Variants in DLG2 observed in about 807,000 individuals in gnomAD.
The protein encoded by DLG2 is discs large MAGUK scaffold protein 2.
DLG2 carries 45 observed loss-of-function variants against 132.5 expected under a neutral mutation model. The observed-to-expected ratio is 0.34, with a 90% CI of 0.27 to 0.44. The LOEUF is 0.44. Among genes scored for constraint, DLG2 ranks in the 20% least tolerant of loss-of-function variants. The pLI, the probability that DLG2 is intolerant of heterozygous loss-of-function variation, is 1.00. For synonymous variants in DLG2, 424 were observed against 419.6 expected, an observed-to-expected ratio of 1.01 and a Z score of -0.13; for missense variants, 1,045 against 1,196.9, an observed-to-expected ratio of 0.87 and a Z score of 1.87.
intron 3 of DLG2, among the ~76,000 whole-genome samples, chr11:85,474,925 C>T (rs1297882350): frequency 6.6e-6 from 1 of 150,950 alleles, no homozygotes; most frequent in African/African-American, 2.4e-5. Context: ...TCAAAATGAA[C>T]AAGCAAAGTT....
chr11:84,166,635 A>T (rs2095672807), intron 8 of DLG2, among the ~76,000 whole-genome samples: 1 of 152,138 alleles, frequency 6.6e-6, no homozygotes, highest in Non-Finnish European at 1.5e-5. Flanking sequence ...TTAAATACTT[A>T]TTTCGACTTT....
At chr11:85,331,974 T>C (rs990965916) in intron 3 of DLG2, among the ~76,000 whole-genome samples, 4 of 152,156 alleles carry the variant, frequency 2.6e-5, no homozygotes, top group Non-Finnish European at 5.9e-5. Context: ...TCCTTTGGGG[T>C]ATATACCCAG....
chr11:83,626,207 A>T (rs1383699585), intron 19 of DLG2, among the ~76,000 whole-genome samples: 1 of 152,228 alleles, frequency 6.6e-6, no homozygotes, highest in Non-Finnish European at 1.5e-5. Flanking sequence ...TCTTCTGGGC[A>T]AATTTCACTT....
intron 6 of DLG2, among the ~76,000 whole-genome samples, chr11:84,621,445 G>A (rs1195885535): frequency 1.3e-5 from 2 of 152,118 alleles, no homozygotes; most frequent in Non-Finnish European, 2.9e-5. Context: ...TTTCCTCAAT[G>A]AGTGGGATCA....
At chr11:85,142,394 T>G (rs2076552808) in intron 5 of DLG2, among the ~76,000 whole-genome samples, 1 of 151,830 alleles carries the variant, frequency 6.6e-6, no homozygotes, top group Admixed American at 6.6e-5. Context: ...CTAATACTTT[T>G]TGTATGTTGA....
intron 7 of DLG2, among the ~76,000 whole-genome samples, chr11:84,352,709 T>G (rs1406209637): frequency 6.6e-6 from 1 of 152,214 alleles, no homozygotes; most frequent in Non-Finnish European, 1.5e-5. Context: ...AAAATAACTT[T>G]GTGGTAATAT....
chr11:85,366,633 A>G (rs1334362343), intron 3 of DLG2, among the ~76,000 whole-genome samples: 1 of 152,198 alleles, frequency 6.6e-6, no homozygotes, highest in Non-Finnish European at 1.5e-5. Flanking sequence ...TAACATTCTT[A>G]TAAAGAAATT....
intron 7 of DLG2, among the ~76,000 whole-genome samples, chr11:84,346,013 TTTCTC>T (rs1289828792): frequency 4.6e-5 from 7 of 152,178 alleles, no homozygotes; most frequent in African/African-American, 1.4e-4. Flanking sequence ...CTGAAGGTGT[TTTCTC>T]TTCTATTTAT....
intron 15 of DLG2, among the ~76,000 whole-genome samples, chr11:83,904,904 G>A (rs916556618): frequency 3.3e-5 from 5 of 152,074 alleles, no homozygotes; most frequent in African/African-American, 1.2e-4. Flanking sequence ...AAGTAATAAA[G>A]TCTCTGATTC....
chr11:83,572,825 A>G (rs2096820729), intron 19 of DLG2, among the ~76,000 whole-genome samples: 1 of 152,092 alleles, frequency 6.6e-6, no homozygotes, highest in African/African-American at 2.4e-5. Context: ...TGAACTCCTT[A>G]ATTCGTTACA....
intron 7 of DLG2, among the ~76,000 whole-genome samples, chr11:84,302,892 G>A (rs116321859): frequency 1.3e-5 from 2 of 152,038 alleles, no homozygotes; most frequent in African/African-American, 4.8e-5. Context: ...TTCTAAACCA[G>A]CTTGGCCAAC....
chr11:84,377,441 T>G (rs866898170), intron 7 of DLG2, among the ~76,000 whole-genome samples: 2 of 152,008 alleles, frequency 1.3e-5, no homozygotes, highest in African/African-American at 2.4e-5. Context: ...TAAGGGGAAT[T>G]TGACTTATAT....
chr11:84,338,004 T>A (rs905638091), intron 7 of DLG2, among the ~76,000 whole-genome samples: 1 of 152,098 alleles, frequency 6.6e-6, no homozygotes, highest in Non-Finnish European at 1.5e-5. Flanking sequence ...ATTAAGACAC[T>A]TGGAAATATG....
intron 19 of DLG2, among the ~76,000 whole-genome samples, chr11:83,607,809 C>T (rs1456156396): frequency 2.6e-5 from 4 of 152,230 alleles, no homozygotes; most frequent in African/African-American, 9.6e-5. Flanking sequence ...TACTCAAATA[C>T]AAAACAATAT....
At chr11:83,465,724 A>C (rs1026074444) in intron 26 of DLG2, among the ~76,000 whole-genome samples, 1 of 152,194 alleles carries the variant, frequency 6.6e-6, no homozygotes, top group African/African-American at 2.4e-5. Flanking sequence ...CTAAATTCCT[A>C]ATCTTGTTAT....
intron 3 of DLG2, among the ~76,000 whole-genome samples, chr11:85,476,675 A>T (rs2093152603): frequency 6.6e-6 from 1 of 152,070 alleles, no homozygotes. Flanking sequence ...ACACTAACAT[A>T]GGCCTACATG....
intron 10 of DLG2, among the ~76,000 whole-genome samples, chr11:84,098,556 G>A (rs193237711): frequency 6.6e-6 from 1 of 152,152 alleles, no homozygotes; most frequent in African/African-American, 2.4e-5. Flanking sequence ...TATCTACAAC[G>A]TTGCTTTACT....
intron 6 of DLG2, among the ~76,000 whole-genome samples, chr11:84,621,046 T>C (rs1392404482): frequency 6.6e-6 from 1 of 152,178 alleles, no homozygotes; most frequent in South Asian, 2.1e-4. Context: ...GGATGACTTT[T>C]AAAAGCATTA....
chr11:84,797,168 G>C (rs1215751505), intron 6 of DLG2, among the ~76,000 whole-genome samples: 1 of 152,022 alleles, frequency 6.6e-6, no homozygotes, highest in Non-Finnish European at 1.5e-5. Context: ...ATTTATCCTT[G>C]ACTTTTGGTA....
Sources: allele counts gnomAD v4.1 joint callset (sites outside exome capture counted in the v4.1 genomes callset), GRCh38; gene constraint gnomAD v4.1.1; transcripts MANE v1.5; gene names NCBI Gene and HGNC (gene_info 2026-07-23, HGNC 2026-07-21).